Variants in NECAB1 observed in about 807,000 individuals in gnomAD.
The protein encoded by NECAB1 is N-terminal EF-hand calcium-binding protein 1.
In NECAB1, 29 loss-of-function variants were observed where a neutral mutation model predicts 57.5. The observed-to-expected ratio is 0.50, with a 90% CI of 0.38 to 0.69. The LOEUF (loss-of-function observed/expected upper bound fraction) is 0.69, where lower values mean the gene tolerates loss of function less well. Ranked by LOEUF, NECAB1 falls within the 30% of genes least tolerant of loss-of-function variation. The probability of loss-of-function intolerance (pLI) is 0.00; values close to 1 mark genes in which losing one functional copy is unlikely to be tolerated. For synonymous variants in NECAB1, 142 were observed against 147.7 expected (o/e 0.96, Z 0.28); for missense variants, 372 against 413.8 (o/e 0.90, Z 0.88).
intron 4 of NECAB1, among the ~76,000 whole-genome samples, chr8:90,876,243 C>T (rs1383150584): frequency 2.6e-5 from 4 of 152,034 alleles, no homozygotes; most frequent in Non-Finnish European, 1.5e-5. Flanking sequence ...GCTGTGTCCT[C>T]CTCCAGTGGC....
intron 2 of NECAB1, among the ~76,000 whole-genome samples, chr8:90,810,013 C>G (rs1381046917): frequency 6.6e-6 from 1 of 151,974 alleles, no homozygotes; most frequent in East Asian, 1.9e-4. Flanking sequence ...TGTCATTGTC[C>G]CAATTTTATT....
chr8:90,896,714 C>CT (rs746388952), intron 5 of NECAB1, among the ~76,000 whole-genome samples: 68 of 152,208 alleles, frequency 4.5e-4, no homozygotes, highest in Admixed American at 2.0e-3. Context: ...GTAAAGCAAT[C>CT]TTTTTCGATT....
chr8:90,845,974 CCA>C (rs1812549225), intron 3 of NECAB1, among the ~76,000 whole-genome samples: 1 of 152,156 alleles, frequency 6.6e-6, no homozygotes, highest in Admixed American at 6.5e-5. Flanking sequence ...TGCTGGGAGA[CCA>C]CAGAGTTTTC....
At chr8:90,925,763 T>G (rs1393669233) in intron 7 of NECAB1, 107 bp downstream of exon 7, 14 of 1,419,484 alleles carry the variant, frequency 9.9e-6, no homozygotes, top group Non-Finnish European at 1.3e-5. Context: ...TGGAACACTT[T>G]CCTTATACCA....
At chr8:90,834,263 T>G (rs1003980501) in intron 3 of NECAB1, among the ~76,000 whole-genome samples, 4 of 152,122 alleles carry the variant, frequency 2.6e-5, no homozygotes, top group Admixed American at 2.6e-4. Flanking sequence ...AGTGCAGGTT[T>G]TTTCAAGAGC....
At position 90,956,869 on chromosome 8, in the gene NECAB1, T is replaced by C. The variant is rs1205000091; in HGVS notation, c.*1357T>C. On this transcript the variant is annotated 3_prime_UTR_variant, in exon 13 of 13. Coordinates refer to ENST00000417640, the MANE Select transcript of NECAB1 (RefSeq NM_022351.5). ...GTATACTCTCAGTTCTCATTCAGTATAAATAAAATTTTAAAATCCTTTCAT... is the reference window on the plus strand; with the variant it reads ...GTATACTCTCAGTTCTCATTCAGTACAAATAAAATTTTAAAATCCTTTCAT... The C allele has an allele frequency of 1.3e-5, 2 of 152,414 alleles. No individual in the cohort carries two copies. Among genetic ancestry groups the C allele is most frequent in the Non-Finnish European group, 2.9e-5 (2 of 67,964 alleles). The allele number at this position is 152,414 out of a possible 1,614,324, so 9.4% of individuals were successfully genotyped here.
At chr8:90,796,476 C>T (rs1385640520) in intron 1 of NECAB1, among the ~76,000 whole-genome samples, 1 of 152,204 alleles carries the variant, frequency 6.6e-6, no homozygotes, top group African/African-American at 2.4e-5. Flanking sequence ...ATGATTGTGT[C>T]CATCTTTTAA....
In NECAB1 at chr8:90,917,523, T is replaced by C. The variant is rs761937725; in HGVS notation, c.389T>C (p.Phe130Ser). Residue 130 changes from phenylalanine (F) to serine (S), a missense_variant, in exon 6 of 13, where the codon TTC (phenylalanine) becomes TCC (serine). Physicochemically the swap from Phe to Ser is radical, Grantham distance 155. Coordinates refer to ENST00000417640, the MANE Select transcript of NECAB1 (RefSeq NM_022351.5). Reference protein sequence around the residue: ...DYQEASNLEQFVTRFLLKETL... With the variant: ...DYQEASNLEQSVTRFLLKETL... ...CAAGAAGCCTCCAATTTGGAACAAT[T>C]CGTAACTAGATTTTTATTGAAGGAA... 8 of 1,611,616 alleles carry C rather than the reference T, an allele frequency of 5.0e-6. No homozygotes were observed. The Admixed American group carries it at 1.3e-4, about 27-fold the overall frequency.
chr8:90,800,242 G>A (rs113593338), intron 1 of NECAB1, among the ~76,000 whole-genome samples: 2,208 of 152,202 alleles, frequency 0.015, 56 homozygotes, highest in African/African-American at 0.05. Context: ...AGATTATATC[G>A]TCAGTGAAGA....
At chr8:90,913,701 G>C (rs781045189) in intron 5 of NECAB1, among the ~76,000 whole-genome samples, 1 of 152,120 alleles carries the variant, frequency 6.6e-6, no homozygotes, top group Non-Finnish European at 1.5e-5. Context: ...GCCAGGATTT[G>C]ACATTTTCCA....
intron 5 of NECAB1, among the ~76,000 whole-genome samples, chr8:90,887,847 C>T (rs1033061621): frequency 6.6e-6 from 1 of 152,026 alleles, no homozygotes; most frequent in Admixed American, 6.6e-5. Flanking sequence ...TACAGTTTCT[C>T]GAATGAATGT....
intron 6 of NECAB1, among the ~76,000 whole-genome samples, chr8:90,920,651 C>T (rs549940768): frequency 6.6e-6 from 1 of 152,292 alleles, no homozygotes; most frequent in East Asian, 1.9e-4. Context: ...TCTGTCTTGT[C>T]ACTGATTGGA....
At chr8:90,813,425 A>G (rs1169527600) in intron 2 of NECAB1, among the ~76,000 whole-genome samples, 1 of 152,044 alleles carries the variant, frequency 6.6e-6, no homozygotes, top group African/African-American at 2.4e-5. Flanking sequence ...TCTAATATGA[A>G]TAAGTATAAC....
intron 6 of NECAB1, among the ~76,000 whole-genome samples, chr8:90,922,290 G>A (rs73694334): frequency 0.018 from 2,725 of 152,160 alleles, 82 homozygotes; most frequent in African/African-American, 0.061. Flanking sequence ...ATCCAGGAAC[G>A]TAATTAATTC....
chr8:90,906,885 A>ATATATATGTATATATATATATATGTATG (rs1809673933), intron 5 of NECAB1, among the ~76,000 whole-genome samples: 5 of 120,916 alleles, frequency 4.1e-5, no homozygotes, highest in African/African-American at 1.8e-4. Flanking sequence ...ACATATATAT[A>ATATATATGTATATATATATATATGTATG]TATATATATA....
chr8:90,856,892 G>A (rs190026846), intron 3 of NECAB1, among the ~76,000 whole-genome samples: 9 of 152,126 alleles, frequency 5.9e-5, no homozygotes, highest in Admixed American at 2.6e-4. Context: ...TAAGTAACGC[G>A]GCAACTTTTA....
At chr8:90,830,505 G>A (rs1812285087) in intron 3 of NECAB1, among the ~76,000 whole-genome samples, 1 of 152,106 alleles carries the variant, frequency 6.6e-6, no homozygotes, top group South Asian at 2.1e-4. Flanking sequence ...GGGCTTGCCA[G>A]GCTTGGGTTT....
At chr8:90,940,990 A>T in intron 10 of NECAB1, 92 bp downstream of exon 10, 1 of 915,850 alleles carries the variant, frequency 1.1e-6, no homozygotes, top group Non-Finnish European at 1.7e-6. Context: ...GGGGTCTAGA[A>T]GACAGATATT....
At chr8:90,920,812 A>G (rs1810089773) in intron 6 of NECAB1, among the ~76,000 whole-genome samples, 1 of 152,114 alleles carries the variant, frequency 6.6e-6, no homozygotes, top group South Asian at 2.1e-4. Flanking sequence ...GATGGCAGAG[A>G]CTTTGCATAA....
Sources: allele counts gnomAD v4.1 joint callset (sites outside exome capture counted in the v4.1 genomes callset), GRCh38; gene constraint gnomAD v4.1.1; transcripts MANE v1.5; gene names NCBI Gene and HGNC (gene_info 2026-07-23, HGNC 2026-07-21).